TMEM273: variants seen among roughly 807,000 people sequenced by gnomAD.
TMEM273 encodes the protein transmembrane protein 273.
In TMEM273, 19 loss-of-function variants were observed where a neutral mutation model predicts 17.9. The observed-to-expected ratio is 1.06, with a 90% CI of 0.74 to 1.55. The LOEUF (loss-of-function observed/expected upper bound fraction) is 1.55. Among genes scored for constraint, TMEM273 ranks in the 40% most tolerant of loss-of-function variants. The pLI is 0.00. For synonymous variants in TMEM273, 66 were observed against 62.0 expected, an observed-to-expected ratio of 1.07 and a Z score of -0.31; for missense variants, 194 against 155.6, an observed-to-expected ratio of 1.25 and a Z score of -1.31.
intron 5 of TMEM273, among the ~76,000 whole-genome samples, chr10:49,164,540 A>G (rs1025227902): frequency 2.6e-5 from 4 of 152,212 alleles, no homozygotes; most frequent in Non-Finnish European, 5.9e-5. Flanking sequence ...GACAGATTTC[A>G]GACTCCTTTG....
chr10:49,165,231 G>A lies in TMEM273; in HGVS notation c.322C>T (p.His108Tyr). The A allele has an allele frequency of 6.4e-7, 1 of 1,550,528 alleles. No individual in the cohort carries two copies. Among genetic ancestry groups the A allele is most frequent in the Non-Finnish European group, 8.7e-7 (1 of 1,146,996 alleles). Residue 108 changes from histidine (H) to tyrosine (Y), a missense_variant, in exon 5 of 7, where the codon CAC (histidine) becomes TAC (tyrosine). By Grantham distance (83) the His-to-Tyr change is moderately conservative (BLOSUM62 2). Transcript: ENST00000374153. Reference protein sequence around the residue: ...FSFKSLLQCHHCIMEGLFKAK... With the variant: ...FSFKSLLQCHYCIMEGLFKAK... Reference sequence around the variant, plus strand: ...TTAAATAGGCCCTCCATGATGCAGTGGTGACACTGAAGCAGGGATTTGAAG... The same window carrying A: ...TTAAATAGGCCCTCCATGATGCAGTAGTGACACTGAAGCAGGGATTTGAAG...
intron 5 of TMEM273, among the ~76,000 whole-genome samples, chr10:49,163,956 C>T (rs970881355): frequency 1.3e-5 from 2 of 152,146 alleles, no homozygotes; most frequent in African/African-American, 4.8e-5. Flanking sequence ...CTCATGCAGC[C>T]ATTAATCCAT....
At chr10:49,174,465 G>A (rs989707318) in intron 1 of TMEM273, among the ~76,000 whole-genome samples, 2 of 152,230 alleles carry the variant, frequency 1.3e-5, no homozygotes, top group African/African-American at 4.8e-5. Context: ...GACACTTCTA[G>A]ACCATGACTT....
intron 5 of TMEM273, among the ~76,000 whole-genome samples, chr10:49,163,168 T>G (rs145248530): frequency 6.6e-6 from 1 of 152,186 alleles, no homozygotes; most frequent in African/African-American, 2.4e-5. Flanking sequence ...CTGGCCAGCA[T>G]GGAACTCTAC....
chr10:49,188,373 C>T lies in TMEM273; in HGVS notation c.-37G>A. 2 of 1,613,964 alleles carry T rather than the reference C, an allele frequency of 1.2e-6. No individual in the cohort carries two copies. The highest frequency in any genetic ancestry group is 8.5e-7 in the Non-Finnish European group (1 of 1,179,936). ...GCTCTTGGCTCCTGGCTCCTGGCTG[C>T]TGGCAGCGCAGGCACAATGAGCCAT... On this transcript the variant is annotated 5_prime_UTR_variant, in exon 1 of 7. Transcript: ENST00000374153.
intron 6 of TMEM273, among the ~76,000 whole-genome samples, chr10:49,157,815 A>C (rs1845604270): frequency 6.6e-6 from 1 of 152,220 alleles, no homozygotes; most frequent in African/African-American, 2.4e-5. Flanking sequence ...CTATTATTTA[A>C]CATTGGTGTT....
chr10:49,185,338 C>T (rs1847595945), intron 1 of TMEM273, among the ~76,000 whole-genome samples: 1 of 152,116 alleles, frequency 6.6e-6, no homozygotes, highest in Non-Finnish European at 1.5e-5. Flanking sequence ...TCCCAGGGTC[C>T]CCCGGTCATA....
chr10:49,185,706 C>T (rs540374150), intron 1 of TMEM273, among the ~76,000 whole-genome samples: 6 of 152,180 alleles, frequency 3.9e-5, no homozygotes, highest in Admixed American at 6.5e-5. Flanking sequence ...TAGCCGGGCA[C>T]GGTGGCTCAC....
intron 2 of TMEM273, 30 bp downstream of exon 2, chr10:49,167,879 G>T (rs1846298014): frequency 6.2e-7 from 1 of 1,613,234 alleles, no homozygotes; most frequent in Non-Finnish European, 8.5e-7. Context: ...CCCTGACCCT[G>T]TGCACAGAAT....
chr10:49,174,680 C>CA (rs959114871), intron 1 of TMEM273, among the ~76,000 whole-genome samples: 1 of 152,124 alleles, frequency 6.6e-6, no homozygotes, highest in Non-Finnish European at 1.5e-5. Flanking sequence ...AAAAGGAACA[C>CA]ACGGGAAAAA....
chr10:49,156,739 G>C (rs530433225), intron 6 of TMEM273, among the ~76,000 whole-genome samples: 1 of 152,214 alleles, frequency 6.6e-6, no homozygotes, highest in Non-Finnish European at 1.5e-5. Flanking sequence ...GACAAGCCAC[G>C]TCAAAGGCCA....
rs1461248404 is a variant in TMEM273 at position 49,188,347 on chromosome 10, T to A, written c.-11A>T. On this transcript the variant is annotated 5_prime_UTR_variant, in exon 1 of 7. Coordinates refer to ENST00000374153, the MANE Select transcript of TMEM273 (RefSeq NM_001288740.3). ...GACCCCCAAGTTCATGCTGGCGCTC[T>A]GCTCTTGGCTCCTGGCTCCTGGCTG... The A allele has an allele frequency of 8.7e-6, 14 of 1,614,190 alleles. No homozygotes were observed. Among genetic ancestry groups the A allele is most frequent in the Non-Finnish European group, 1.2e-5 (14 of 1,180,022 alleles).
rs372855314 is a variant in TMEM273, at chr10:49,187,494, A to G, written c.43+800T>C. Among the ~76,000 whole-genome samples, 7 of 152,210 alleles carry G rather than the reference A, an allele frequency of 4.6e-5. No individual in the cohort carries two copies. The East Asian group carries it at 7.7e-4, about 17-fold the overall frequency. On this transcript the variant is annotated intron_variant, in intron 1 of 6. Transcript: ENST00000374153. ...GTTCTGGGAAGGAACGTCTTTGTAT[A>G]TATGAGGGACGTATGCTGCCTTTTT...
intron 6 of TMEM273, among the ~76,000 whole-genome samples, chr10:49,159,103 G>A (rs1845687630): frequency 6.6e-6 from 1 of 152,058 alleles, no homozygotes. Context: ...ACTTCTCTGA[G>A]TTTATCTGTT....
intron 5 of TMEM273, among the ~76,000 whole-genome samples, chr10:49,163,903 G>A (rs914079521): frequency 6.6e-6 from 1 of 152,140 alleles, no homozygotes; most frequent in Non-Finnish European, 1.5e-5. Flanking sequence ...CATGAGGGCT[G>A]ATGAGTCATG....
chr10:49,164,500 A>G (rs1846041116), intron 5 of TMEM273, among the ~76,000 whole-genome samples: 1 of 152,124 alleles, frequency 6.6e-6, no homozygotes, highest in East Asian at 1.9e-4. Context: ...CCCTGCTTAG[A>G]ACCCATCTGT....
At chr10:49,164,336 C>CA in intron 5 of TMEM273, among the ~76,000 whole-genome samples, 1 of 152,258 alleles carries the variant, frequency 6.6e-6, no homozygotes, top group East Asian at 1.9e-4. Flanking sequence ...TAACTTTGTT[C>CA]CCATCTTTCA....
intron 6 of TMEM273, among the ~76,000 whole-genome samples, chr10:49,156,495 C>T (rs1986725): frequency 2.0e-5 from 3 of 152,080 alleles, no homozygotes; most frequent in African/African-American, 7.2e-5. Context: ...GCAGACCCTG[C>T]GAAGGGCCTC....
intron 6 of TMEM273, chr10:49,156,301 G>A: frequency 1.5e-6 from 2 of 1,307,516 alleles, no homozygotes; most frequent in Non-Finnish European, 2.0e-6. Context: ...AATAGAACTG[G>A]AAAATAATGC....
Sources: allele counts gnomAD v4.1 joint callset (sites outside exome capture counted in the v4.1 genomes callset), GRCh38; gene constraint gnomAD v4.1.1; transcripts MANE v1.5; gene names NCBI Gene and HGNC (gene_info 2026-07-23, HGNC 2026-07-21).